Variants in ZNF496 observed in about 807,000 individuals in gnomAD.
ZNF496 encodes the protein NSD1 (nuclear receptor binding SET-domain containing 1)-interacting zinc finger protein 1.
Under a neutral mutation model 58.9 loss-of-function variants are expected in ZNF496, and 11 were observed. The observed-to-expected ratio is 0.19, with a 90% CI of 0.12 to 0.31. The LOEUF is 0.31. Ranked by LOEUF, ZNF496 falls within the 10% of genes least tolerant of loss-of-function variation. The pLI, the probability that ZNF496 is intolerant of heterozygous loss-of-function variation, is 1.00. For missense variants in ZNF496, 660 were observed against 783.0 expected, an observed-to-expected ratio of 0.84 and a Z score of 1.88; for synonymous variants, 338 against 318.2, an observed-to-expected ratio of 1.06 and a Z score of -0.66.
At chr1:247,330,660 C>G (rs1033496297) in intron 2 of ZNF496, among the ~76,000 whole-genome samples, 41 of 152,354 alleles carry the variant, frequency 2.7e-4, no homozygotes, top group Admixed American at 2.6e-3. Flanking sequence ...CGTGAAAGGG[C>G]ACATGGGGAC....
rs117422170 is a variant in ZNF496, at chr1:247,302,262, G to T, written c.1007-986C>A. Reference sequence around the variant, plus strand: ...AGCCCTGGCTAGTCAGAGCAGCTCAGGACAGGAGAAGTTGGACAAACAGAA... The same window carrying T: ...AGCCCTGGCTAGTCAGAGCAGCTCATGACAGGAGAAGTTGGACAAACAGAA... On this transcript the variant is annotated intron_variant, in intron 9 of 9. Coordinates refer to ENST00000682384, the MANE Select transcript of ZNF496 (RefSeq NM_032752.3). Among the ~76,000 whole-genome samples the T allele has an allele frequency of 1.2e-4, 19 of 152,234 alleles. No individual in the cohort carries two copies. In the East Asian group the frequency reaches 3.7e-3, roughly 29 times the overall value.
intron 6 of ZNF496, among the ~76,000 whole-genome samples, chr1:247,316,944 A>G (rs1390466467): frequency 1.3e-5 from 2 of 152,224 alleles, no homozygotes; most frequent in Non-Finnish European, 2.9e-5. Flanking sequence ...TTGGCAGAGA[A>G]AAGTCCAGAA....
intron 5 of ZNF496, among the ~76,000 whole-genome samples, chr1:247,326,149 T>C (rs1365975133): frequency 2.2e-4 from 33 of 149,938 alleles, no homozygotes; most frequent in Non-Finnish European, 5.9e-5. Context: ...TACACACATA[T>C]ATATATATAT....
rs997840912 is a variant in ZNF496 at position 247,300,189 on chromosome 1, G to A, written c.*330C>T. On this transcript the variant is annotated 3_prime_UTR_variant, in exon 10 of 10. Transcript: ENST00000682384. The surrounding 1 kb of genome is among the most constrained non-coding windows in gnomAD (Gnocchi z 5.7). Reference sequence around the variant, plus strand: ...GGTGACCAGGGTGCCGCCCTGACGGGGGATAGCCCAGTTTTACTCCCCGAG... The same window carrying A: ...GGTGACCAGGGTGCCGCCCTGACGGAGGATAGCCCAGTTTTACTCCCCGAG... 18 of 221,982 alleles carry A rather than the reference G, an allele frequency of 8.1e-5. No individual in the cohort carries two copies. The highest frequency in any genetic ancestry group is 3.8e-4 in the African/African-American group (17 of 44,270). 13.8% of individuals were successfully genotyped at this position (221,982 alleles called of 1,614,324 possible). A position where few individuals can be genotyped will look rare whatever the true frequency, so the allele number is the denominator to read the frequency against.
At chr1:247,330,649 C>A (rs1660291729) in intron 2 of ZNF496, among the ~76,000 whole-genome samples, 1 of 152,218 alleles carries the variant, frequency 6.6e-6, no homozygotes, top group Non-Finnish European at 1.5e-5. Context: ...AACGCTGGGC[C>A]CGTGAAAGGG....
intron 9 of ZNF496, chr1:247,304,202 C>A: frequency 3.8e-6 from 1 of 263,038 alleles, no homozygotes. Context: ...TCAGAGGTTA[C>A]AGGACTGCCA....
intron 6 of ZNF496, among the ~76,000 whole-genome samples, chr1:247,315,675 G>A (rs1434418542): frequency 6.6e-6 from 1 of 152,162 alleles, no homozygotes; most frequent in African/African-American, 2.4e-5. Context: ...CGGGGAAAGT[G>A]AAGGAAAGGG....
rs1303707807 is a variant in ZNF496, at chr1:247,300,191, G to T, written c.*328C>A. 3 of 226,146 alleles carry T rather than the reference G, an allele frequency of 1.3e-5. No homozygotes were observed. Among genetic ancestry groups the T allele is most frequent in the African/African-American group, 2.3e-5 (1 of 44,268 alleles). 14.0% of individuals were successfully genotyped at this position (226,146 alleles called of 1,614,324 possible). ...TGACCAGGGTGCCGCCCTGACGGGG[G>T]ATAGCCCAGTTTTACTCCCCGAGCT... On this transcript the variant is annotated 3_prime_UTR_variant, in exon 10 of 10. Transcript: ENST00000682384. The surrounding 1 kb of genome is among the most constrained non-coding windows in gnomAD (Gnocchi z 5.7).
In ZNF496 at chr1:247,299,772, G is replaced by A. The variant is rs1237892095; in HGVS notation, c.*747C>T. The A allele has an allele frequency of 2.0e-5, 3 of 152,240 alleles. No individual in the cohort carries two copies. Among genetic ancestry groups the A allele is most frequent in the African/African-American group, 7.2e-5 (3 of 41,462 alleles). The allele number at this position is 152,240 out of a possible 1,614,324, so 9.4% of individuals were successfully genotyped here. ...GTAGGTGTGCAACACAAATTAAAAT[G>A]TAAGCTTTGTTTTTGGTGAGCTCCA... On this transcript the variant is annotated 3_prime_UTR_variant, in exon 10 of 10. Coordinates refer to ENST00000682384, the MANE Select transcript of ZNF496 (RefSeq NM_032752.3).
At chr1:247,328,621 T>A in intron 5 of ZNF496, 62 bp downstream of exon 5, 1 of 1,439,446 alleles carries the variant, frequency 6.9e-7, no homozygotes, top group South Asian at 1.5e-5. Context: ...CCACACCCAG[T>A]GCACAGTATG....
rs188231550 is a variant in ZNF496, at chr1:247,307,211, G to A, written c.1006+1264C>T. Reference sequence around the variant, plus strand: ...CACCAGCTATCCGGCATCAGCTGGCGGGAAAAGCCTTTTAGGAAGGCAAGC... The same window carrying A: ...CACCAGCTATCCGGCATCAGCTGGCAGGAAAAGCCTTTTAGGAAGGCAAGC... On this transcript the variant is annotated intron_variant, in intron 9 of 9. Transcript: ENST00000682384. 2.6e-4 allele frequency: 254 copies of A among 985,422 alleles called. No homozygotes were observed. The African/African-American group carries it at 2.8e-3, about 11-fold the overall frequency. 61.0% of individuals were successfully genotyped at this position (985,422 alleles called of 1,614,324 possible).
chr1:247,298,108 T>C lies in ZNF496; in HGVS notation c.*2411A>G, dbSNP rs1031368166. On this transcript the variant is annotated 3_prime_UTR_variant, in exon 10 of 10. Coordinates refer to ENST00000682384, the MANE Select transcript of ZNF496 (RefSeq NM_032752.3). ...GAGAGCCTGGCTTCTACTTGGAATT[T>C]TCCCCTCCCTTGGCCTTAAAAATCG... The C allele has an allele frequency of 6.6e-6, 1 of 152,114 alleles. No individual in the cohort carries two copies. Among genetic ancestry groups the C allele is most frequent in the African/African-American group, 2.4e-5 (1 of 41,416 alleles). 9.4% of individuals were successfully genotyped at this position (152,114 alleles called of 1,614,324 possible). A position where few individuals can be genotyped will look rare whatever the true frequency, so the allele number is the denominator to read the frequency against.
In ZNF496 at chr1:247,329,342, C is replaced by T. The variant is rs1219011671; in HGVS notation, c.237G>A (p.Glu79=). The T allele has an allele frequency of 3.1e-6, 5 of 1,613,648 alleles. No individual in the cohort carries two copies. Among genetic ancestry groups the T allele is most frequent in the Non-Finnish European group, 4.2e-6 (5 of 1,179,964 alleles). ...CCAGCACCAGCAGCTCCAGAATCTGCTCCTTGGTGTGCCTCTCAGGCCGCA... is the reference window on the plus strand; with the variant it reads ...CCAGCACCAGCAGCTCCAGAATCTGTTCCTTGGTGTGCCTCTCAGGCCGCA... The part of the protein sequence containing the change: ...GWLRPERHTK[E]QILELLVLEQ... Residue 79 remains glutamate, a synonymous_variant, in exon 4 of 10, where the codon GAG becomes GAA. Coordinates refer to ENST00000682384, the MANE Select transcript of ZNF496 (RefSeq NM_032752.3). This position sits in a 1 kb window ranked among gnomAD's most constrained non-coding sequence, Gnocchi z 5.5.
At chr1:247,303,844 A>T (rs1303288564) in intron 9 of ZNF496, among the ~76,000 whole-genome samples, 1 of 152,238 alleles carries the variant, frequency 6.6e-6, no homozygotes, top group Non-Finnish European at 1.5e-5. Context: ...CTGGAGAGAC[A>T]CCAAGAGTGT....
Position 247,308,504 on chromosome 1 carries a change from T to G in ZNF496, c.977A>C (p.Gln326Pro). 1.2e-6 allele frequency: 2 copies of G among 1,614,210 alleles called. No individual in the cohort carries two copies. The highest frequency in any genetic ancestry group is 1.7e-6 in the Non-Finnish European group (2 of 1,180,020). Residue 326 changes from glutamine to proline, a missense_variant, in exon 9 of 10, where the codon CAG becomes CCG. Physicochemically the swap from Gln to Pro is moderately conservative, Grantham distance 76. Coordinates refer to ENST00000682384, the MANE Select transcript of ZNF496 (RefSeq NM_032752.3). The surrounding 1 kb of genome is among the most constrained non-coding windows in gnomAD (Gnocchi z 4.5). ...LQVPEFQACP[Q>P]TVVPQNTYPA... ...GTAGGTGTTTTGAGGCACCACCGTCTGTGGGCAGGCCTGGAACTCTGGCAC... is the reference window on the plus strand; with the variant it reads ...GTAGGTGTTTTGAGGCACCACCGTCGGTGGGCAGGCCTGGAACTCTGGCAC...
At chr1:247,311,583 T>C (rs1486410636) in intron 6 of ZNF496, 1 of 152,254 alleles carries the variant, frequency 6.6e-6, no homozygotes, top group African/African-American at 2.4e-5. Flanking sequence ...CAGCACATTA[T>C]GGTTTACGGC....
intron 5 of ZNF496, among the ~76,000 whole-genome samples, chr1:247,324,921 A>C (rs1306334063): frequency 6.6e-6 from 1 of 152,158 alleles, no homozygotes; most frequent in Non-Finnish European, 1.5e-5. Context: ...TCTCTCCTGG[A>C]ATTGGAAACT....
chr1:247,308,680 CT>C lies in ZNF496; in HGVS notation c.893-93del. The C allele has an allele frequency of 8.0e-7, 1 of 1,247,078 alleles. No homozygotes were observed. Among genetic ancestry groups the C allele is most frequent in the Middle Eastern group, 1.9e-4 (1 of 5,226 alleles). The allele number at this position is 1,247,078 out of a possible 1,614,324, so 77.3% of individuals were successfully genotyped here. The stretch of plus-strand genomic sequence containing the variant: ...ATCCGAATAGATGCCAGGCTACGAT[CT>C]GGGGGCGGCCCTGGGCTCCGTCCTG... On this transcript the variant is annotated intron_variant, in intron 8 of 9. Transcript: ENST00000682384. This position sits in a 1 kb window ranked among gnomAD's most constrained non-coding sequence, Gnocchi z 4.5.
intron 6 of ZNF496, among the ~76,000 whole-genome samples, chr1:247,319,426 G>A (rs1659886191): frequency 1.3e-5 from 2 of 152,040 alleles, no homozygotes. Flanking sequence ...ACCACACTAG[G>A]TAAATCGAAA....
Sources: allele counts gnomAD v4.1 joint callset (sites outside exome capture counted in the v4.1 genomes callset), GRCh38; gene constraint gnomAD v4.1.1; non-coding constraint Gnocchi (gnomAD v3.1); transcripts MANE v1.5; gene names NCBI Gene and HGNC (gene_info 2026-07-23, HGNC 2026-07-21).